The following DNAH8 variants were observed in gnomAD, a reference collection of about 807,000 sequenced individuals.
DNAH8 encodes dynein axonemal heavy chain 8, also known as axonemal beta dynein heavy chain 8.
In DNAH8, 382 loss-of-function variants were observed where a neutral mutation model predicts 562.1. The ratio of observed to expected loss-of-function variants is 0.68; its 90% CI spans 0.63 to 0.74. The LOEUF is 0.74. Among genes scored for constraint, DNAH8 ranks in the 30% least tolerant of loss-of-function variants. The pLI is 0.00. For missense variants in DNAH8, 5,203 were observed against 5,620.4 expected (o/e 0.93, Z 2.37); for synonymous variants, 1,881 against 1,919.4 (o/e 0.98, Z 0.52).
chr6:38,809,847 A>G (rs1424970976), intron 24 of DNAH8, among the ~76,000 whole-genome samples: 1 of 152,198 alleles, frequency 6.6e-6, no homozygotes, highest in Non-Finnish European at 1.5e-5. Flanking sequence ...ACAAGGTCGT[A>G]GTAGCTAAAC....
intron 65 of DNAH8, among the ~76,000 whole-genome samples, chr6:38,911,230 A>G (rs1018186828): frequency 6.6e-6 from 1 of 152,142 alleles, no homozygotes; most frequent in African/African-American, 2.4e-5. Context: ...TCTTTTCTCT[A>G]TTTTCCAGAT....
intron 12 of DNAH8, among the ~76,000 whole-genome samples, chr6:38,772,129 C>T (rs955696184): frequency 2.7e-5 from 4 of 149,748 alleles, no homozygotes; most frequent in African/African-American, 7.4e-5. Context: ...CCCGGGTTCA[C>T]GACATTCTCC....
Position 38,741,752 on chromosome 6 carries a change from T to C in DNAH8, c.1158T>C (p.Asp386=). The C allele has an allele frequency of 1.2e-6, 2 of 1,613,914 alleles. No individual in the cohort carries two copies. Among genetic ancestry groups the C allele is most frequent in the Non-Finnish European group, 1.7e-6 (2 of 1,179,892 alleles). Residue 386 remains aspartate (D), a synonymous_variant, in exon 8 of 93, where the codon GAT becomes GAC. Transcript: ENST00000327475. ...ESEQMRKEAG[D]SGPLTELEHW... is the part of the protein sequence containing the mutation. ...AGCAGATGAGAAAAGAAGCTGGTGATTCAGGTCCACTCACTGAATTGGAAC... is the reference window on the plus strand; with the variant it reads ...AGCAGATGAGAAAAGAAGCTGGTGACTCAGGTCCACTCACTGAATTGGAAC...
chr6:39,028,929 C>T (rs187952229), intron 92 of DNAH8, among the ~76,000 whole-genome samples: 1 of 152,324 alleles, frequency 6.6e-6, no homozygotes, highest in East Asian at 1.9e-4. Context: ...AAACACTTTG[C>T]AATGAATCTT....
chr6:38,937,184 T>C (rs1204764060), intron 77 of DNAH8, among the ~76,000 whole-genome samples: 1 of 150,358 alleles, frequency 6.7e-6, no homozygotes, highest in African/African-American at 2.4e-5. Flanking sequence ...GAGGGGAACA[T>C]CACACACTGG....
At chr6:38,781,603 T>C (rs757826064) in intron 16 of DNAH8, among the ~76,000 whole-genome samples, 4 of 152,222 alleles carry the variant, frequency 2.6e-5, no homozygotes, top group Admixed American at 1.3e-4. Flanking sequence ...GTGAATCTTA[T>C]AATTTTATGT....
Position 38,900,024 on chromosome 6 carries a change from A to G in DNAH8, c.9194+118A>G, listed in dbSNP as rs1335037101. On this transcript the variant is annotated intron_variant, in intron 62 of 92. Transcript: ENST00000327475. ...TTTCTTTTTAAGGTAAACTTTAAGT[A>G]TTATATATATAAGGATATTTACGCA... The G allele has an allele frequency of 2.0e-5, 17 of 849,900 alleles. No homozygotes were observed. In the East Asian group the frequency reaches 3.7e-4, roughly 19 times the overall value. The allele number at this position is 849,900 out of a possible 1,614,324, so 52.6% of individuals were successfully genotyped here.
chr6:38,923,237 AC>A, intron 72 of DNAH8, 52 bp downstream of exon 72: 1 of 1,600,262 alleles, frequency 6.2e-7, no homozygotes. Flanking sequence ...ACATTAGAGA[AC>A]ATAAAGTCCA....
At chr6:38,838,503 A>G (rs1774494162) in intron 33 of DNAH8, among the ~76,000 whole-genome samples, 1 of 150,532 alleles carries the variant, frequency 6.6e-6, no homozygotes, top group Non-Finnish European at 1.5e-5. Flanking sequence ...GATTCATGCT[A>G]TTCTCCTGCC....
chr6:38,915,203 A>T lies in DNAH8; in HGVS notation c.9966A>T (p.Val3322=), dbSNP rs1464057318. The T allele has an allele frequency of 6.3e-7, 1 of 1,597,946 alleles. No homozygotes were observed. The highest frequency in any genetic ancestry group is 1.1e-5 in the South Asian group (1 of 87,520). The change falls in exon 68 of 93, where the codon GTA becomes GTT. Residue 3322 remains valine (V), a splice_region_variant and synonymous_variant. Transcript: ENST00000327475. ...LAVASIKADE[V]LAEVTVSAQA... ...CATGTGTTTCCTCAACTTAACAGGT[A>T]TTAGCAGAAGTCACAGTAAGCGCTC...
In DNAH8 at chr6:38,971,595, G is replaced by A; in HGVS notation, c.12455G>A (p.Cys4152Tyr). 1 of 1,577,254 alleles carries A rather than the reference G, an allele frequency of 6.3e-7. No homozygotes were observed. Among genetic ancestry groups the A allele is most frequent in the Non-Finnish European group, 8.6e-7 (1 of 1,163,228 alleles). The change falls in exon 83 of 93, where the codon TGT becomes TAT. Residue 4152 changes from cysteine to tyrosine, a missense_variant. Cys to Tyr is a radical substitution (Grantham distance 194, BLOSUM62 -2). Around this residue, in one of 6 missense-constraint regions of DNAH8, gnomAD observed 1,399 missense variants for 1,518.4 expected, o/e 0.92. Transcript: ENST00000327475. ...TGAACTTTCTCCTATGTTACAGAATGTAGAACTATCTCAATGGGGCAAGGA... is the reference window on the plus strand; with the variant it reads ...TGAACTTTCTCCTATGTTACAGAATATAGAACTATCTCAATGGGGCAAGGA... ...DALAKKLKLECRTISMGQGQE... is the reference protein window; with the variant it reads ...DALAKKLKLEYRTISMGQGQE...
At chr6:38,715,960 A>ATATTTTTTT (rs1372342002) in intron 1 of DNAH8, among the ~76,000 whole-genome samples, 3 of 23,628 alleles carry the variant, frequency 1.3e-4, no homozygotes, top group African/African-American at 3.6e-4. Flanking sequence ...ATATATATAT[A>ATATTTTTTT]TTTTTTTTTT....
At chr6:38,972,583 G>T (rs1435447923) in intron 83 of DNAH8, among the ~76,000 whole-genome samples, 1 of 43,726 alleles carries the variant, frequency 2.3e-5, no homozygotes, top group East Asian at 9.5e-4. Context: ...TAGTTTCTGT[G>T]GGTGCAAAAC....
intron 30 of DNAH8, 93 bp from the exon 31 acceptor site, chr6:38,832,229 T>TAGA: frequency 1.4e-6 from 1 of 729,640 alleles, no homozygotes; most frequent in East Asian, 2.7e-5. Context: ...TCATATAGGA[T>TAGA]ATCTGTGAGA....
rs556381335 is a variant in DNAH8, at chr6:38,855,578, G to A, written c.5734-1940G>A. On this transcript the variant is annotated intron_variant, in intron 41 of 92. Coordinates refer to ENST00000327475, the MANE Select transcript of DNAH8 (RefSeq NM_001206927.2). The stretch of plus-strand genomic sequence containing the variant: ...AGTGATGTTTTGATGTGTATAATAT[G>A]TCTTGTGATCAGATGAGAGTAATTA... Among the ~76,000 whole-genome samples, 5 of 152,170 alleles carry A rather than the reference G, an allele frequency of 3.3e-5. No homozygotes were observed. In the East Asian group the frequency reaches 7.7e-4, roughly 24 times the overall value.
chr6:38,789,866 A>G lies in DNAH8; in HGVS notation c.2647A>G (p.Thr883Ala), dbSNP rs751774239. 11 of 1,612,416 alleles carry G rather than the reference A, an allele frequency of 6.8e-6. No homozygotes were observed. In the South Asian group the frequency reaches 1.2e-4, roughly 18 times the overall value. The stretch of plus-strand genomic sequence containing the variant: ...GCCTTCTGTGTTTGTCAATCTGATG[A>G]CCCCAAAAATGAAAAAGGTTGGTAT... Reference protein sequence around the residue: ...EVPSVFVNLMTPKMKKVESVL... With the variant: ...EVPSVFVNLMAPKMKKVESVL... The change falls in exon 19 of 93, where the codon ACC becomes GCC. Residue 883 changes from threonine (T) to alanine (A), a missense_variant. Coordinates refer to ENST00000327475, the MANE Select transcript of DNAH8 (RefSeq NM_001206927.2).
Position 38,737,855 on chromosome 6 carries a change from C to T in DNAH8, c.999C>T (p.Asp333=), listed in dbSNP as rs374681790. 6.3e-7 allele frequency: 1 copy of T among 1,581,568 alleles called. No individual in the cohort carries two copies. The highest frequency in any genetic ancestry group is 8.6e-7 in the Non-Finnish European group (1 of 1,167,262). The change falls in exon 7 of 93, where the codon GAC becomes GAT. Residue 333 remains aspartate (D), a synonymous_variant. Coordinates refer to ENST00000327475, the MANE Select transcript of DNAH8 (RefSeq NM_001206927.2). ...GAACAGTGAAGTTAAAGACAATAGA[C>T]AATGTTAATTTTTCCAAACTGCACA... ...IEGTVKLKTI[D]NVNFSKLHTF...
intron 85 of DNAH8, among the ~76,000 whole-genome samples, chr6:38,978,462 T>G (rs2150705485): frequency 6.6e-6 from 1 of 152,352 alleles, no homozygotes; most frequent in South Asian, 2.1e-4. Context: ...AAATTCCTCA[T>G]TTAAATGTCT....
intron 43 of DNAH8, 26 bp from the exon 44 acceptor site, chr6:38,862,254 A>G (rs779797952): frequency 1.0e-5 from 16 of 1,600,040 alleles, no homozygotes; most frequent in African/African-American, 1.3e-5. Context: ...CATACTCACA[A>G]TGCTTTATTG....
Sources: allele counts gnomAD v4.1 joint callset (sites outside exome capture counted in the v4.1 genomes callset), GRCh38; gene constraint gnomAD v4.1.1; regional missense constraint gnomAD v4.1.1; transcripts MANE v1.5; gene names NCBI Gene and HGNC (gene_info 2026-07-23, HGNC 2026-07-21).